GLYAT: variants seen among roughly 807,000 people sequenced by gnomAD.
The protein encoded by GLYAT is glycine N-acyltransferase.
In GLYAT, 25 loss-of-function variants were observed where a neutral mutation model predicts 22.8. The ratio of observed to expected loss-of-function variants is 1.09; its 90% CI spans 0.80 to 1.53. The LOEUF is 1.53. GLYAT is among the 40% of genes most tolerant of loss of function. The pLI, the probability that GLYAT is intolerant of heterozygous loss-of-function variation, is 0.00. For missense variants in GLYAT, 411 were observed against 353.9 expected, an observed-to-expected ratio of 1.16 and a Z score of -1.29; for synonymous variants, 140 against 122.7, an observed-to-expected ratio of 1.14 and a Z score of -0.93.
chr11:58,718,693 C>T (rs1565057399), intron 2 of GLYAT, among the ~76,000 whole-genome samples: 1 of 150,926 alleles, frequency 6.6e-6, no homozygotes, highest in African/African-American at 2.4e-5. Context: ...CTGTGGCACA[C>T]AGTATCAGAA....
chr11:58,724,209 G>T (rs1041740741), intron 2 of GLYAT: 2 of 467,034 alleles, frequency 4.3e-6, no homozygotes, highest in Non-Finnish European at 7.6e-6. Flanking sequence ...GATATATTGA[G>T]AAAATCAGTT....
chr11:58,728,053 CTTTTTTTTT>C (rs1173955703), intron 1 of GLYAT, among the ~76,000 whole-genome samples: 4 of 68,652 alleles, frequency 5.8e-5, no homozygotes, highest in African/African-American at 2.0e-4. Flanking sequence ...TGCTCTAAAG[CTTTTTTTTT>C]TTTTTTTTTT....
Position 58,709,988 on chromosome 11 carries a change from G to A in GLYAT, c.669C>T (p.Asp223=). The part of the protein sequence containing the change: ...EGTPVCWDLM[D]QTGEMRMAGT... Reference sequence around the variant, plus strand: ...CTGCCATTCTCATCTCTCCAGTCTGGTCCATTAGATCCCAGCACACAGGGG... The same window carrying A: ...CTGCCATTCTCATCTCTCCAGTCTGATCCATTAGATCCCAGCACACAGGGG... Residue 223 remains aspartate, a synonymous_variant, in exon 6 of 6, where the codon GAC becomes GAT. Transcript: ENST00000344743. 2 of 1,614,092 alleles carry A rather than the reference G, an allele frequency of 1.2e-6. No homozygotes were observed. Among genetic ancestry groups the A allele is most frequent in the East Asian group, 2.2e-5 (1 of 44,886 alleles).
chr11:58,717,129 C>G (rs1264367215), intron 2 of GLYAT, among the ~76,000 whole-genome samples: 1 of 151,210 alleles, frequency 6.6e-6, no homozygotes, highest in Non-Finnish European at 1.5e-5. Context: ...TTTGGGGGGG[C>G]CCAAGATATT....
chr11:58,715,305 T>C lies in GLYAT; in HGVS notation c.189+11A>G, dbSNP rs775433190. ...ATAAATATAGAAGAATATTCACACATGGAAACTTACCTGCTCCTGAGGGCA... is the reference window on the plus strand; with the variant it reads ...ATAAATATAGAAGAATATTCACACACGGAAACTTACCTGCTCCTGAGGGCA... On this transcript the variant is annotated intron_variant, in intron 3 of 5. Transcript: ENST00000344743. 8.1e-7 allele frequency: 1 copy of C among 1,233,220 alleles called. No homozygotes were observed. The highest frequency in any genetic ancestry group is 1.2e-6 in the Non-Finnish European group (1 of 834,894). 76.4% of individuals were successfully genotyped at this position (1,233,220 alleles called of 1,614,324 possible). A position where few individuals can be genotyped will look rare whatever the true frequency, so the allele number is the denominator to read the frequency against.
chr11:58,715,548 G>A, intron 2 of GLYAT, 125 bp from the exon 3 acceptor site: 3 of 586,660 alleles, frequency 5.1e-6, no homozygotes, highest in South Asian at 2.2e-5. Context: ...GTAGCCAAAT[G>A]GAGAATCTAA....
rs200812874 is a variant in GLYAT at position 58,709,773 on chromosome 11, G to A, written c.884C>T (p.Pro295Leu). 4.3e-6 allele frequency: 7 copies of A among 1,609,486 alleles called. No homozygotes were observed. The Admixed American group carries it at 1.0e-4, about 23-fold the overall frequency. ...TTATGTTCAGGATTGGCATCACAGAGGTACACAGTTCCACTGGTTCCAGCT... is the reference window on the plus strand; with the variant it reads ...TTATGTTCAGGATTGGCATCACAGAAGTACACAGTTCCACTGGTTCCAGCT... Reference protein sequence around the residue: ...PRSWNQWNCVPL With the variant: ...PRSWNQWNCVLL The change falls in exon 6 of 6, where the codon CCT (proline) becomes CTT (leucine). Residue 295 changes from proline (P) to leucine (L), a missense_variant. Coordinates refer to ENST00000344743, the MANE Select transcript of GLYAT (RefSeq NM_201648.3).
intron 1 of GLYAT, among the ~76,000 whole-genome samples, chr11:58,726,864 C>T (rs1021978561): frequency 1.3e-5 from 2 of 151,950 alleles, no homozygotes; most frequent in Non-Finnish European, 2.9e-5. Context: ...AACAGCAATG[C>T]TTGGATTTGA....
At chr11:58,712,986 T>C (rs777097142) in intron 3 of GLYAT, 100 bp from the exon 4 acceptor site, 22 of 727,116 alleles carry the variant, frequency 3.0e-5, no homozygotes, top group Non-Finnish European at 4.4e-5. Flanking sequence ...ATATTGGTAG[T>C]TTTATTGGTG....
intron 3 of GLYAT, among the ~76,000 whole-genome samples, chr11:58,713,215 A>G (rs2134481104): frequency 6.6e-6 from 1 of 152,238 alleles, no homozygotes; most frequent in African/African-American, 2.4e-5. Flanking sequence ...AAACATTAGA[A>G]CTTATTTCCT....
intron 3 of GLYAT, among the ~76,000 whole-genome samples, chr11:58,713,396 C>T (rs1477246386): frequency 6.6e-6 from 1 of 152,118 alleles, no homozygotes; most frequent in Non-Finnish European, 1.5e-5. Flanking sequence ...AAGCATTCTT[C>T]TTACCACCAT....
intron 1 of GLYAT, among the ~76,000 whole-genome samples, chr11:58,726,133 G>A (rs1054450720): frequency 6.6e-6 from 1 of 151,896 alleles, no homozygotes; most frequent in African/African-American, 2.4e-5. Flanking sequence ...TATTATTTTA[G>A]AGAGACAGTT....
At chr11:58,726,866 T>A (rs11229601) in intron 1 of GLYAT, among the ~76,000 whole-genome samples, 27,889 of 151,914 alleles carry the variant, frequency 0.18, 2,712 homozygotes, top group East Asian at 0.26. Context: ...CAGCAATGCT[T>A]GGATTTGAGA....
At chr11:58,710,439 G>A in intron 5 of GLYAT, 151 bp downstream of exon 5, 2 of 757,862 alleles carry the variant, frequency 2.6e-6, no homozygotes, top group Non-Finnish European at 4.3e-6. Context: ...AAGCAGGAGA[G>A]AAACATGTTC....
At chr11:58,726,743 G>T (rs1162394286) in intron 1 of GLYAT, among the ~76,000 whole-genome samples, 2 of 152,106 alleles carry the variant, frequency 1.3e-5, no homozygotes, top group Non-Finnish European at 2.9e-5. Flanking sequence ...GACCTTGAAG[G>T]TCTTGCAGCA....
At chr11:58,723,439 A>C (rs1278774950) in intron 2 of GLYAT, among the ~76,000 whole-genome samples, 4 of 152,132 alleles carry the variant, frequency 2.6e-5, no homozygotes, top group African/African-American at 9.6e-5. Flanking sequence ...GTCTCAATGC[A>C]TCTCTGATGA....
chr11:58,725,584 T>C (rs971862827), intron 1 of GLYAT, among the ~76,000 whole-genome samples: 1 of 152,134 alleles, frequency 6.6e-6, no homozygotes, highest in Non-Finnish European at 1.5e-5. Context: ...CCTCAATTCT[T>C]GCCTCCTCAA....
At chr11:58,719,861 A>G (rs1242009487) in intron 2 of GLYAT, among the ~76,000 whole-genome samples, 2 of 152,070 alleles carry the variant, frequency 1.3e-5, no homozygotes, top group East Asian at 3.9e-4. Context: ...AAAACTTAAT[A>G]TGATAACTTG....
chr11:58,729,247 A>G (rs2134499639), intron 1 of GLYAT, among the ~76,000 whole-genome samples: 1 of 152,214 alleles, frequency 6.6e-6, no homozygotes, highest in South Asian at 2.1e-4. Context: ...TTAGGCTTCC[A>G]CTTACCCCTT....
Sources: allele counts gnomAD v4.1 joint callset (sites outside exome capture counted in the v4.1 genomes callset), GRCh38; gene constraint gnomAD v4.1.1; transcripts MANE v1.5; gene names NCBI Gene and HGNC (gene_info 2026-07-23, HGNC 2026-07-21).